The following DUSP29 variants were observed in gnomAD, a reference collection of about 807,000 sequenced individuals.
The protein encoded by DUSP29 is dual specificity phosphatase 29, also known as atypical dual-specific protein phosphatase.
A neutral mutation model predicts 13.5 loss-of-function variants in DUSP29; 12 were observed. The observed-to-expected ratio is 0.89, with a 90% CI of 0.57 to 1.44. DUSP29 has a LOEUF of 1.44. Among genes scored for constraint, DUSP29 ranks in the 40% most tolerant of loss-of-function variants. The probability of loss-of-function intolerance (pLI) is 0.00; values close to 1 mark genes in which losing one functional copy is unlikely to be tolerated. For synonymous variants in DUSP29, 134 were observed against 128.7 expected, an observed-to-expected ratio of 1.04 and a Z score of -0.28; for missense variants, 308 against 301.1, an observed-to-expected ratio of 1.02 and a Z score of -0.17.
intron 2 of DUSP29, among the ~76,000 whole-genome samples, chr10:75,053,382 C>G (rs138258874): frequency 6.6e-6 from 1 of 152,232 alleles, no homozygotes; most frequent in Non-Finnish European, 1.5e-5. Flanking sequence ...TGTGATCTTT[C>G]TCAGATCCAT....
intron 2 of DUSP29, among the ~76,000 whole-genome samples, chr10:75,049,232 A>G (rs1363807633): frequency 6.6e-6 from 1 of 152,218 alleles, no homozygotes; most frequent in Non-Finnish European, 1.5e-5. Flanking sequence ...CTTAGTTTTC[A>G]GGAGAGACCA....
intron 1 of DUSP29, among the ~76,000 whole-genome samples, chr10:75,071,600 G>A (rs115207633): frequency 0.018 from 2,782 of 152,270 alleles, 53 homozygotes; most frequent in African/African-American, 0.037. Context: ...GAGGACCACT[G>A]GCTCTCTCCT....
chr10:75,066,496 A>G (rs1417697957), intron 1 of DUSP29, among the ~76,000 whole-genome samples: 2 of 152,218 alleles, frequency 1.3e-5, no homozygotes, highest in Admixed American at 1.3e-4. Flanking sequence ...TCCCCAAAAT[A>G]TTAACACTGG....
intron 3 of DUSP29, among the ~76,000 whole-genome samples, chr10:75,040,163 G>A (rs1846553397): frequency 6.6e-6 from 1 of 152,072 alleles, no homozygotes; most frequent in African/African-American, 2.4e-5. Context: ...GTGACAGAGC[G>A]AGATTCCGTC....
intron 2 of DUSP29, among the ~76,000 whole-genome samples, chr10:75,052,052 A>T (rs920929717): frequency 6.6e-6 from 1 of 152,118 alleles, no homozygotes; most frequent in Non-Finnish European, 1.5e-5. Flanking sequence ...GCACAGTTGG[A>T]TTGAATTAAA....
intron 1 of DUSP29, among the ~76,000 whole-genome samples, 190 bp from the exon 2 acceptor site, chr10:75,058,738 A>G (rs879318711): frequency 1.6e-4 from 25 of 152,200 alleles, no homozygotes; most frequent in African/African-American, 6.0e-4. Context: ...GTTAAATGAC[A>G]CTTCCCCAAT....
rs898186068 is a variant in DUSP29 at position 75,058,575 on chromosome 10, G to A, written c.-34-27C>T. 6 of 1,569,922 alleles carry A rather than the reference G, an allele frequency of 3.8e-6. No homozygotes were observed. In the East Asian group the frequency reaches 1.3e-4, roughly 35 times the overall value. ...TGGTTATGAGAGAGAAGCAGGATGG[G>A]GGTTAGCAGGGGACACTGAGGCAGG... is the stretch of plus-strand genomic sequence containing the variant. On this transcript the variant is annotated intron_variant, in intron 1 of 3. Coordinates refer to ENST00000338487, the MANE Select transcript of DUSP29 (RefSeq NM_001003892.3).
Position 75,058,237 on chromosome 10 carries a change from G to A in DUSP29, c.200+78C>T, listed in dbSNP as rs540924357. The A allele has an allele frequency of 1.9e-4, 281 of 1,505,986 alleles. 2 individuals are homozygous for A. In the African/African-American group the frequency reaches 3.5e-3, roughly 19 times the overall value. The allele number at this position is 1,505,986 out of a possible 1,614,324, so 93.3% of individuals were successfully genotyped here. A position where few individuals can be genotyped will look rare whatever the true frequency, so the allele number is the denominator to read the frequency against. ...AACGACTACAAATTCCAAAGCCCAT[G>A]GCTAGGAGGTGGCGCAGGGCGTGGC... On this transcript the variant is annotated intron_variant, in intron 2 of 3. Coordinates refer to ENST00000338487, the MANE Select transcript of DUSP29 (RefSeq NM_001003892.3).
intron 2 of DUSP29, among the ~76,000 whole-genome samples, chr10:75,046,026 G>T (rs1256888783): frequency 1.3e-5 from 2 of 151,994 alleles, no homozygotes; most frequent in Non-Finnish European, 2.9e-5. Context: ...TGAAGTGGGA[G>T]GATCACCTGA....
intron 1 of DUSP29, 53 bp from the exon 2 acceptor site, chr10:75,058,601 G>GAATA: frequency 7.0e-7 from 1 of 1,437,188 alleles, no homozygotes; most frequent in Non-Finnish European, 9.6e-7. Context: ...CTGAGGCAGG[G>GAATA]AATAGGCTTT....
chr10:75,045,285 G>A (rs886862463), intron 2 of DUSP29, among the ~76,000 whole-genome samples: 9 of 152,182 alleles, frequency 5.9e-5, no homozygotes, highest in Non-Finnish European at 7.4e-5. Flanking sequence ...CACAAGAATC[G>A]CTTGAACCCA....
At position 75,039,898 on chromosome 10, in the gene DUSP29, G is replaced by A. The variant is rs368348036; in HGVS notation, c.422-1821C>T. Among the ~76,000 whole-genome samples the A allele has an allele frequency of 3.3e-5, 5 of 152,252 alleles. 1 individual carries two copies. Among genetic ancestry groups the A allele is most frequent in the African/African-American group, 7.2e-5 (3 of 41,564 alleles). ...AGAGACCCTTCCAACAGTGAAAATC[G>A]GCTGGGCGTGGTGGCTCATGCCTCT... On this transcript the variant is annotated intron_variant, in intron 3 of 3. Coordinates refer to ENST00000338487, the MANE Select transcript of DUSP29 (RefSeq NM_001003892.3).
In DUSP29 at chr10:75,066,187, G is replaced by A. The variant is rs374649422; in HGVS notation, c.-35+7382C>T. Among the ~76,000 whole-genome samples the A allele has an allele frequency of 7.2e-5, 11 of 152,320 alleles. No homozygotes were observed. In the East Asian group the frequency reaches 1.5e-3, roughly 21 times the overall value. On this transcript the variant is annotated intron_variant, in intron 1 of 3. Coordinates refer to ENST00000338487, the MANE Select transcript of DUSP29 (RefSeq NM_001003892.3). ...AGGAGTATGAGGGGGCCCTGCGGCA[G>A]GACTGAGGAAAGGACCAACTGGGGC...
intron 2 of DUSP29, among the ~76,000 whole-genome samples, chr10:75,050,788 C>G (rs895501696): frequency 1.2e-4 from 18 of 152,362 alleles, no homozygotes; most frequent in African/African-American, 4.1e-4. Flanking sequence ...AGAAGACTTC[C>G]CCCGAACCCC....
At chr10:75,066,516 C>T (rs1847204727) in intron 1 of DUSP29, among the ~76,000 whole-genome samples, 1 of 152,020 alleles carries the variant, frequency 6.6e-6, no homozygotes, top group Non-Finnish European at 1.5e-5. Context: ...GCTACATGCT[C>T]GTTTTAGGGT....
At chr10:75,069,682 G>A (rs1392196626) in intron 1 of DUSP29, among the ~76,000 whole-genome samples, 1 of 152,166 alleles carries the variant, frequency 6.6e-6, no homozygotes, top group African/African-American at 2.4e-5. Flanking sequence ...TCAAGGCCTT[G>A]GCTGGACCCA....
intron 2 of DUSP29, among the ~76,000 whole-genome samples, chr10:75,049,670 G>A (rs1364421987): frequency 6.6e-6 from 1 of 152,222 alleles, no homozygotes; most frequent in Admixed American, 6.5e-5. Context: ...CCCACACCTC[G>A]AAGAAGCAGG....
rs1214725752 is a variant in DUSP29 at position 75,058,423 on chromosome 10, T to G, written c.92A>C (p.Glu31Ala). The G allele has an allele frequency of 3.7e-6, 6 of 1,614,232 alleles. No individual in the cohort carries two copies. Among genetic ancestry groups the G allele is most frequent in the South Asian group, 2.2e-5 (2 of 91,088 alleles). Residue 31 changes from glutamate to alanine, a missense_variant, in exon 2 of 4, where the codon GAG becomes GCG. Transcript: ENST00000338487. ...SPKMEEEGEE[E>A]DYCTPGAFEL... The stretch of plus-strand genomic sequence containing the variant: ...AAAGGCTCCAGGGGTGCAGTAGTCC[T>G]CCTCCTCCCCTTCCTCCTCCATCTT...
At chr10:75,042,124 G>T (rs1846597809) in intron 3 of DUSP29, among the ~76,000 whole-genome samples, 1 of 152,238 alleles carries the variant, frequency 6.6e-6, no homozygotes, top group African/African-American at 2.4e-5. Flanking sequence ...TGTCCACCAG[G>T]TTCTATGCTA....
Sources: gnomAD v4.1 joint callset for allele counts (sites outside exome capture counted in the v4.1 genomes callset) on GRCh38, gnomAD v4.1.1 for gene constraint, MANE v1.5 for transcripts, NCBI Gene and HGNC (gene_info 2026-07-23, HGNC 2026-07-21) for gene names.